Variants in DLG1 observed in about 807,000 individuals in gnomAD.
The protein encoded by DLG1 is discs large MAGUK scaffold protein 1.
DLG1 carries 42 observed loss-of-function variants against 123.4 expected under a neutral mutation model. The observed-to-expected ratio is 0.34, with a 90% CI of 0.27 to 0.44. The LOEUF (loss-of-function observed/expected upper bound fraction) is 0.44, where lower values mean the gene tolerates loss of function less well. Among genes scored for constraint, DLG1 ranks in the 20% least tolerant of loss-of-function variants. The pLI, the probability that DLG1 is intolerant of heterozygous loss-of-function variation, is 1.00. For synonymous variants in DLG1, 317 were observed against 356.2 expected, an observed-to-expected ratio of 0.89 and a Z score of 1.24; for missense variants, 942 against 1,082.6, an observed-to-expected ratio of 0.87 and a Z score of 1.82.
chr3:197,107,087 T>C (rs569402788), intron 13 of DLG1, among the ~76,000 whole-genome samples: 36 of 152,328 alleles, frequency 2.4e-4, no homozygotes, highest in Admixed American at 2.6e-4. Flanking sequence ...CATATACCTA[T>C]ATATACCTAT....
At chr3:197,070,479 C>T (rs896512394) in intron 18 of DLG1, 1 of 150,204 alleles carries the variant, frequency 6.7e-6, no homozygotes, top group East Asian at 2.0e-4. Flanking sequence ...TGGTCTCAAA[C>T]TCCTGGCCTC....
At chr3:197,177,537 G>A (rs1037796694) in intron 5 of DLG1, among the ~76,000 whole-genome samples, 6 of 151,972 alleles carry the variant, frequency 3.9e-5, no homozygotes, top group African/African-American at 9.7e-5. Context: ...CCGATAACAC[G>A]GTTAGGTCAA....
At chr3:197,184,615 A>G (rs1392369085) in intron 5 of DLG1, among the ~76,000 whole-genome samples, 1 of 152,244 alleles carries the variant, frequency 6.6e-6, no homozygotes, top group Non-Finnish European at 1.5e-5. Flanking sequence ...TACTAAAACA[A>G]GTATTTTGCT....
At chr3:197,297,980 T>G in intron 1 of DLG1, 3 of 959,370 alleles carry the variant, frequency 3.1e-6, no homozygotes, top group Non-Finnish European at 3.7e-6. Flanking sequence ...CGCGGCCTCG[T>G]CCTCCTTCTC....
intron 5 of DLG1, among the ~76,000 whole-genome samples, chr3:197,171,889 T>C (rs1262586054): frequency 1.3e-5 from 2 of 152,168 alleles, no homozygotes; most frequent in African/African-American, 2.4e-5. Context: ...ACAGACTTCA[T>C]GACTAATAAC....
At chr3:197,058,619 C>T (rs1430506301) in intron 23 of DLG1, among the ~76,000 whole-genome samples, 1 of 152,206 alleles carries the variant, frequency 6.6e-6, no homozygotes, top group African/African-American at 2.4e-5. Context: ...TGTAATCTAG[C>T]AAATGATCAG....
intron 16 of DLG1, among the ~76,000 whole-genome samples, chr3:197,082,881 C>G (rs976135353): frequency 6.6e-6 from 1 of 152,058 alleles, no homozygotes; most frequent in African/African-American, 2.4e-5. Flanking sequence ...AAAAAAAAAT[C>G]TCTCCAGTGA....
intron 12 of DLG1, among the ~76,000 whole-genome samples, chr3:197,117,886 A>G (rs1774187016): frequency 6.6e-6 from 1 of 152,212 alleles, no homozygotes; most frequent in Non-Finnish European, 1.5e-5. Context: ...TATACTTTAA[A>G]CAGGTGAAAT....
intron 1 of DLG1, chr3:197,297,964 C>A (rs1359703477): frequency 1.0e-6 from 1 of 977,942 alleles, no homozygotes; most frequent in Non-Finnish European, 1.2e-6. Flanking sequence ...TGGGCCGCCG[C>A]ACCCCCGCGG....
At chr3:197,066,629 A>C in intron 20 of DLG1, 75 bp downstream of exon 20, 1 of 1,126,346 alleles carries the variant, frequency 8.9e-7, no homozygotes, top group Non-Finnish European at 1.3e-6. Flanking sequence ...TTTTTGGGGT[A>C]TGAGAATTTT....
intron 5 of DLG1, among the ~76,000 whole-genome samples, chr3:197,171,375 T>G (rs759450218): frequency 2.6e-5 from 4 of 152,312 alleles, no homozygotes; most frequent in Non-Finnish European, 5.9e-5. Flanking sequence ...TAAGCCGGTA[T>G]AGTAAAAAAC....
intron 14 of DLG1, 135 bp from the exon 15 acceptor site, chr3:197,091,161 A>C: frequency 1.9e-6 from 1 of 524,780 alleles, no homozygotes. Context: ...TATGCGAAAG[A>C]TTTTGCCCAA....
intron 4 of DLG1, among the ~76,000 whole-genome samples, chr3:197,263,190 A>G (rs1760215661): frequency 6.6e-6 from 1 of 152,208 alleles, no homozygotes. Context: ...AGTATTCTGA[A>G]GTTTCTCTTG....
intron 4 of DLG1, among the ~76,000 whole-genome samples, chr3:197,274,649 C>A (rs757893187): frequency 6.6e-6 from 1 of 151,968 alleles, no homozygotes; most frequent in Non-Finnish European, 1.5e-5. Context: ...CTAAAAAGAT[C>A]CTGTACAGCA....
At chr3:197,123,761 A>G (rs1042934778) in intron 11 of DLG1, among the ~76,000 whole-genome samples, 1 of 152,204 alleles carries the variant, frequency 6.6e-6, no homozygotes, top group African/African-American at 2.4e-5. Flanking sequence ...ATGTCTGACA[A>G]GGATGTGCAA....
intron 19 of DLG1, chr3:197,068,676 C>A: frequency 1.8e-6 from 1 of 546,610 alleles, no homozygotes; most frequent in South Asian, 2.4e-5. Context: ...GTGCAGTTCA[C>A]TTAATAAAAC....
intron 4 of DLG1, among the ~76,000 whole-genome samples, chr3:197,221,557 A>T (rs765172323): frequency 9.9e-5 from 15 of 152,076 alleles, no homozygotes; most frequent in Non-Finnish European, 1.9e-4. Context: ...AAGAAACATA[A>T]CAGGAAGCAA....
intron 5 of DLG1, among the ~76,000 whole-genome samples, chr3:197,168,234 C>T (rs111750857): frequency 0.011 from 1,633 of 152,320 alleles, 31 homozygotes; most frequent in African/African-American, 0.037. Flanking sequence ...CCCCTCTCTA[C>T]AGGGCACTGA....
intron 4 of DLG1, among the ~76,000 whole-genome samples, chr3:197,270,085 C>T (rs1763296248): frequency 6.6e-6 from 1 of 152,074 alleles, no homozygotes; most frequent in African/African-American, 2.4e-5. Flanking sequence ...AAAATAACAC[C>T]TCAAAGAAAA....
Sources: allele counts gnomAD v4.1 joint callset (sites outside exome capture counted in the v4.1 genomes callset), GRCh38; gene constraint gnomAD v4.1.1; transcripts MANE v1.5; gene names NCBI Gene and HGNC (gene_info 2026-07-23, HGNC 2026-07-21).